The following LPP variants were observed in gnomAD, a reference collection of about 807,000 sequenced individuals.
The protein encoded by LPP is lipoma-preferred partner.
In LPP, 38 loss-of-function variants were observed where a neutral mutation model predicts 60.4. That is an observed-to-expected ratio of 0.63 (90% CI 0.49 to 0.83). LPP has a LOEUF of 0.83. LPP is among the 40% of genes least tolerant of loss of function. The pLI is 0.00. For synonymous variants in LPP, 328 were observed against 290.8 expected, an observed-to-expected ratio of 1.13 and a Z score of -1.30; for missense variants, 902 against 783.6, an observed-to-expected ratio of 1.15 and a Z score of -1.80.
intron 1 of LPP, among the ~76,000 whole-genome samples, chr3:188,200,243 G>T (rs572601957): frequency 1.1e-4 from 16 of 144,812 alleles, no homozygotes; most frequent in Non-Finnish European, 2.0e-4. Flanking sequence ...CTGGGTTTAA[G>T]AATTTTTTTT....
At position 188,708,233 on chromosome 3, in the gene LPP, G is replaced by T. The variant is rs189024620; in HGVS notation, c.1114-34G>T. 5.5e-3 allele frequency: 8,927 copies of T among 1,610,704 alleles called. 41 individuals carry two copies. The highest frequency in any genetic ancestry group is 6.3e-3 in the Non-Finnish European group (7,371 of 1,178,196). On this transcript the variant is annotated intron_variant, in intron 7 of 11. Coordinates refer to ENST00000617246, the MANE Select transcript of LPP (RefSeq NM_001375462.1). ...ACTGCCTTGGTTGATGGTCTAGGTG[G>T]CAATTAAAGGACTGTGTGCTTTCTG...
intron 6 of LPP, among the ~76,000 whole-genome samples, chr3:188,542,686 T>G (rs1825539133): frequency 6.6e-6 from 1 of 151,860 alleles, no homozygotes; most frequent in African/African-American, 2.4e-5. Flanking sequence ...AAGAATGAAG[T>G]GAGTTGCTGT....
intron 7 of LPP, among the ~76,000 whole-genome samples, chr3:188,618,060 T>C (rs1208033229): frequency 1.3e-5 from 2 of 152,176 alleles, no homozygotes; most frequent in Non-Finnish European, 2.9e-5. Flanking sequence ...CTTTGAAATG[T>C]TTTGCACACA....
At chr3:188,685,376 G>A (rs1860481551) in intron 7 of LPP, among the ~76,000 whole-genome samples, 1 of 152,140 alleles carries the variant, frequency 6.6e-6, no homozygotes, top group Admixed American at 6.5e-5. Context: ...CAGCCTCGGT[G>A]TGGAAAATGG....
At chr3:188,827,148 C>T (rs562744392) in intron 9 of LPP, among the ~76,000 whole-genome samples, 1 of 152,180 alleles carries the variant, frequency 6.6e-6, no homozygotes, top group South Asian at 2.1e-4. Context: ...AAGAATCTAG[C>T]CACAACCACC....
chr3:188,841,945 C>T (rs1162557747), intron 9 of LPP, among the ~76,000 whole-genome samples: 1 of 152,166 alleles, frequency 6.6e-6, no homozygotes, highest in African/African-American at 2.4e-5. Flanking sequence ...AGATTTTGGG[C>T]TGAGACGATG....
chr3:188,736,246 A>T (rs1722464253), intron 8 of LPP, among the ~76,000 whole-genome samples: 1 of 152,176 alleles, frequency 6.6e-6, no homozygotes. Context: ...CAAAAATTTT[A>T]AAGTGTATGT....
At chr3:188,761,743 A>G (rs1186819861) in intron 9 of LPP, among the ~76,000 whole-genome samples, 2 of 152,216 alleles carry the variant, frequency 1.3e-5, no homozygotes, top group African/African-American at 4.8e-5. Context: ...GGAAGGAGCA[A>G]TTATGCATAA....
rs750673958 is a variant in LPP at position 188,708,465 on chromosome 3, A to G, written c.1240+72A>G. On this transcript the variant is annotated intron_variant, in intron 8 of 11. Coordinates refer to ENST00000617246, the MANE Select transcript of LPP (RefSeq NM_001375462.1). ...ATTTCCTTCCTTAGTAATTGGAACT[A>G]TTATCAGCTCCACTGGTAAAGTATT... 3.0e-5 allele frequency: 48 copies of G among 1,592,256 alleles called. No individual in the cohort carries two copies. In the African/African-American group the frequency reaches 5.9e-4, roughly 20 times the overall value.
intron 5 of LPP, among the ~76,000 whole-genome samples, chr3:188,505,042 G>T (rs542484388): frequency 6.6e-5 from 10 of 152,238 alleles, no homozygotes; most frequent in Non-Finnish European, 1.5e-4. Context: ...TCTAAGAGGT[G>T]GGGTATAGGT....
At chr3:188,581,248 A>G (rs948741997) in intron 6 of LPP, among the ~76,000 whole-genome samples, 1 of 152,020 alleles carries the variant, frequency 6.6e-6, no homozygotes, top group Non-Finnish European at 1.5e-5. Flanking sequence ...GAATGCCAGC[A>G]TTGTCGTTGG....
At position 188,738,726 on chromosome 3, in the gene LPP, C is replaced by A. The variant is rs190250565; in HGVS notation, c.1241-21387C>A. Among the ~76,000 whole-genome samples, 216 of 152,186 alleles carry A rather than the reference C, an allele frequency of 1.4e-3. 1 individual carries two copies. The highest frequency in any genetic ancestry group is 4.8e-3 in the African/African-American group (200 of 41,526). On this transcript the variant is annotated intron_variant, in intron 8 of 11. Coordinates refer to ENST00000617246, the MANE Select transcript of LPP (RefSeq NM_001375462.1). ...TGAATACTTAATTGGATCCCTGGTG[C>A]TATGTGTATTTGATTTTTGTTGTGA... is the stretch of plus-strand genomic sequence containing the variant.
intron 2 of LPP, among the ~76,000 whole-genome samples, chr3:188,235,204 C>T (rs73057693): frequency 3.3e-5 from 5 of 152,088 alleles, no homozygotes; most frequent in East Asian, 1.9e-4. Context: ...TGCTGTGGAA[C>T]GGGTGCAAAC....
At chr3:188,197,110 A>G (rs1020332651) in intron 1 of LPP, among the ~76,000 whole-genome samples, 1 of 152,222 alleles carries the variant, frequency 6.6e-6, no homozygotes, top group Non-Finnish European at 1.5e-5. Flanking sequence ...AATTGTATAG[A>G]TAAGACATTG....
intron 2 of LPP, among the ~76,000 whole-genome samples, chr3:188,311,473 TAAA>T (rs1382003739): frequency 4.8e-5 from 2 of 41,696 alleles, no homozygotes; most frequent in East Asian, 8.1e-4. Flanking sequence ...ACCCTATCTC[TAAA>T]CTAAACTAAA....
chr3:188,580,727 GA>G, intron 6 of LPP, among the ~76,000 whole-genome samples: 1 of 152,170 alleles, frequency 6.6e-6, no homozygotes, highest in Non-Finnish European at 1.5e-5. Context: ...GATGGCTACA[GA>G]AAATAGTGCC....
intron 9 of LPP, among the ~76,000 whole-genome samples, chr3:188,846,426 G>A (rs1400777256): frequency 4.6e-5 from 7 of 152,024 alleles, no homozygotes; most frequent in Admixed American, 2.0e-4. Context: ...GCTCATGCCT[G>A]TAATCCCAGC....
chr3:188,253,067 T>G (rs1730459018), intron 2 of LPP, among the ~76,000 whole-genome samples: 1 of 150,270 alleles, frequency 6.7e-6, no homozygotes, highest in Admixed American at 6.6e-5. Context: ...GCCACTGTGC[T>G]CAGTCCTTTT....
chr3:188,404,480 A>G (rs1285701986), intron 3 of LPP, among the ~76,000 whole-genome samples: 1 of 152,138 alleles, frequency 6.6e-6, no homozygotes. Context: ...CCTGGCCTCA[A>G]GTGATCCTTC....
Sources: gnomAD v4.1 joint callset for allele counts (sites outside exome capture counted in the v4.1 genomes callset) on GRCh38, gnomAD v4.1.1 for gene constraint, MANE v1.5 for transcripts, NCBI Gene and HGNC (gene_info 2026-07-23, HGNC 2026-07-21) for gene names.